The following PLCXD3 variants were observed in gnomAD, a reference collection of about 807,000 sequenced individuals.
PLCXD3 encodes phosphatidylinositol specific phospholipase C X domain containing 3.
In PLCXD3, 19 loss-of-function variants were observed where a neutral mutation model predicts 25.5. The observed-to-expected ratio is 0.75, with a 90% CI of 0.52 to 1.09. The LOEUF is 1.09. Ranked by LOEUF, PLCXD3 falls within the 50% of genes least tolerant of loss-of-function variation. The pLI is 0.00. For missense variants in PLCXD3, 411 were observed against 388.1 expected, an observed-to-expected ratio of 1.06 and a Z score of -0.50; for synonymous variants, 174 against 137.6, an observed-to-expected ratio of 1.26 and a Z score of -1.85.
chr5:41,466,983 A>G (rs1748030563), intron 1 of PLCXD3, among the ~76,000 whole-genome samples: 1 of 152,108 alleles, frequency 6.6e-6, no homozygotes. Flanking sequence ...TTGATTCTAT[A>G]TCTTCGCTAT....
At chr5:41,439,823 A>T (rs554339215) in intron 1 of PLCXD3, among the ~76,000 whole-genome samples, 1 of 152,330 alleles carries the variant, frequency 6.6e-6, no homozygotes, top group African/African-American at 2.4e-5. Context: ...TGACTTGATT[A>T]TTGGTCACTT....
chr5:41,458,435 A>C (rs1027151836), intron 1 of PLCXD3, among the ~76,000 whole-genome samples: 5 of 151,988 alleles, frequency 3.3e-5, no homozygotes, highest in African/African-American at 1.2e-4. Flanking sequence ...AATAGGAGAT[A>C]TAAAAAGCCA....
chr5:41,367,325 C>T (rs745987777), intron 2 of PLCXD3, among the ~76,000 whole-genome samples: 2 of 152,034 alleles, frequency 1.3e-5, no homozygotes, highest in Non-Finnish European at 2.9e-5. Context: ...TTGTAATAAT[C>T]GCCATTCTGA....
intron 1 of PLCXD3, among the ~76,000 whole-genome samples, chr5:41,492,731 G>T (rs997695777): frequency 1.3e-5 from 2 of 152,186 alleles, no homozygotes; most frequent in Admixed American, 6.5e-5. Flanking sequence ...ATCAGCTCCT[G>T]AGCCTTCTGC....
chr5:41,355,768 C>T (rs1258726316), intron 2 of PLCXD3, among the ~76,000 whole-genome samples: 3 of 152,160 alleles, frequency 2.0e-5, no homozygotes, highest in Non-Finnish European at 4.4e-5. Context: ...CTTGTGATTC[C>T]ATGAAGAGTG....
intron 1 of PLCXD3, among the ~76,000 whole-genome samples, chr5:41,465,555 C>G (rs1204488012): frequency 6.6e-6 from 1 of 151,596 alleles, no homozygotes; most frequent in African/African-American, 2.4e-5. Context: ...AGAAGCCTTT[C>G]CTTGGTTCTT....
chr5:41,488,408 T>A (rs1442278472), intron 1 of PLCXD3, among the ~76,000 whole-genome samples: 5 of 128,098 alleles, frequency 3.9e-5, no homozygotes, highest in African/African-American at 6.5e-5. Flanking sequence ...TGTGTCTTTA[T>A]AGCAGCATGA....
chr5:41,313,702 G>A lies in PLCXD3; in HGVS notation c.881C>T (p.Thr294Ile), dbSNP rs1183342698. ...KPGESGINIV[T>I]ADFVELGDFI... ...GTCACCAAGTTCTACAAAATCGGCAGTGACAATATTGATGCCACTCTCTCC... is the reference window on the plus strand; with the variant it reads ...GTCACCAAGTTCTACAAAATCGGCAATGACAATATTGATGCCACTCTCTCC... Residue 294 changes from threonine (T) to isoleucine (I), a missense_variant, in exon 3 of 3, where the codon ACT (threonine) becomes ATT (isoleucine). Coordinates refer to ENST00000377801, the MANE Select transcript of PLCXD3 (RefSeq NM_001005473.3). 1.2e-6 allele frequency: 2 copies of A among 1,613,864 alleles called. No homozygotes were observed. The highest frequency in any genetic ancestry group is 1.1e-5 in the South Asian group (1 of 91,078).
At chr5:41,324,093 AGAG>A (rs1743553062) in intron 2 of PLCXD3, among the ~76,000 whole-genome samples, 1 of 152,182 alleles carries the variant, frequency 6.6e-6, no homozygotes, top group Admixed American at 6.5e-5. Context: ...GAGGAAGAAA[AGAG>A]AAAAAATCAG....
intron 1 of PLCXD3, among the ~76,000 whole-genome samples, chr5:41,395,329 A>G (rs984369063): frequency 6.6e-6 from 1 of 152,118 alleles, no homozygotes; most frequent in Non-Finnish European, 1.5e-5. Flanking sequence ...CAAAATTAGT[A>G]CTAAGATGGA....
intron 2 of PLCXD3, among the ~76,000 whole-genome samples, chr5:41,334,208 C>T (rs1244368911): frequency 1.3e-5 from 2 of 152,056 alleles, no homozygotes; most frequent in African/African-American, 4.8e-5. Flanking sequence ...ATTATGCAAA[C>T]CTTCTGAGTC....
chr5:41,437,811 A>G lies in PLCXD3; in HGVS notation c.104-55277T>C, dbSNP rs564633862. On this transcript the variant is annotated intron_variant, in intron 1 of 2. Coordinates refer to ENST00000377801, the MANE Select transcript of PLCXD3 (RefSeq NM_001005473.3). ...ATCACCTAATTAAGTTTTTCTACAGATCTCTTTGGTATGGGAAGAAATTGG... is the reference window on the plus strand; with the variant it reads ...ATCACCTAATTAAGTTTTTCTACAGGTCTCTTTGGTATGGGAAGAAATTGG... 2.6e-5 allele frequency among the ~76,000 whole-genome samples: 4 copies of G among 152,224 alleles called. No individual in the cohort carries two copies. In the South Asian group the frequency reaches 8.3e-4, roughly 32 times the overall value.
At chr5:41,332,379 C>G (rs1743844682) in intron 2 of PLCXD3, among the ~76,000 whole-genome samples, 1 of 151,978 alleles carries the variant, frequency 6.6e-6, no homozygotes, top group African/African-American at 2.4e-5. Context: ...AAATGCAAAT[C>G]AAAACCACAA....
At position 41,313,426 on chromosome 5, in the gene PLCXD3, T is replaced by G. The variant is rs1408347942; in HGVS notation, c.*191A>C. 3.9e-6 allele frequency: 2 copies of G among 507,370 alleles called. No individual in the cohort carries two copies. The highest frequency in any genetic ancestry group is 7.8e-5 in the Admixed American group (2 of 25,722). 31.4% of individuals were successfully genotyped at this position (507,370 alleles called of 1,614,324 possible). ...TAGATTTTGCTCATCAAATGGGAAA[T>G]GAAATATTTATAGTAATGAAGAGTA... is the stretch of plus-strand genomic sequence containing the variant. On this transcript the variant is annotated 3_prime_UTR_variant, in exon 3 of 3. Coordinates refer to ENST00000377801, the MANE Select transcript of PLCXD3 (RefSeq NM_001005473.3).
At chr5:41,351,137 T>C (rs963098614) in intron 2 of PLCXD3, among the ~76,000 whole-genome samples, 1 of 152,210 alleles carries the variant, frequency 6.6e-6, no homozygotes, top group Non-Finnish European at 1.5e-5. Flanking sequence ...ATACCTTTTT[T>C]TTGAGGCAAA....
At chr5:41,316,145 G>A (rs544212053) in intron 2 of PLCXD3, among the ~76,000 whole-genome samples, 4 of 152,314 alleles carry the variant, frequency 2.6e-5, no homozygotes, top group East Asian at 1.9e-4. Flanking sequence ...TGAGGACTTT[G>A]TCTTGCCTCT....
intron 1 of PLCXD3, among the ~76,000 whole-genome samples, chr5:41,452,564 T>C (rs754912017): frequency 6.6e-6 from 1 of 151,968 alleles, no homozygotes; most frequent in Non-Finnish European, 1.5e-5. Context: ...AGTGTAAAAA[T>C]TCTGTCAAAT....
chr5:41,404,976 G>A (rs899461473), intron 1 of PLCXD3, among the ~76,000 whole-genome samples: 5 of 152,098 alleles, frequency 3.3e-5, no homozygotes, highest in Non-Finnish European at 7.4e-5. Flanking sequence ...GCAGAGCACT[G>A]AGCTTGCTTT....
Position 41,313,784 on chromosome 5 carries a change from C to G in PLCXD3, c.813-14G>C. The G allele has an allele frequency of 6.4e-7, 1 of 1,558,656 alleles. No individual in the cohort carries two copies. ...GCAGGAAGAGCTCTGAGAAAGGAAACAAAAAGAAAAGTCACAGAAGGCAAG... is the reference window on the plus strand; with the variant it reads ...GCAGGAAGAGCTCTGAGAAAGGAAAGAAAAAGAAAAGTCACAGAAGGCAAG... On this transcript the variant is annotated splice_polypyrimidine_tract_variant and intron_variant, in intron 2 of 2. Coordinates refer to ENST00000377801, the MANE Select transcript of PLCXD3 (RefSeq NM_001005473.3).
Sources: gnomAD v4.1 joint callset for allele counts (sites outside exome capture counted in the v4.1 genomes callset) on GRCh38, gnomAD v4.1.1 for gene constraint, MANE v1.5 for transcripts, NCBI Gene and HGNC (gene_info 2026-07-23, HGNC 2026-07-21) for gene names.